EXPH5: variants seen among roughly 807,000 people sequenced by gnomAD.
The protein encoded by EXPH5 is exophilin-5.
In EXPH5, 42 loss-of-function variants were observed where a neutral mutation model predicts 41.1. The ratio of observed to expected loss-of-function variants is 1.02; its 90% CI spans 0.80 to 1.32. The LOEUF is 1.32. Ranked by LOEUF, EXPH5 falls within the 40% of genes most tolerant of loss-of-function variation. EXPH5 has a pLI of 0.00. For missense variants in EXPH5, 2,298 were observed against 2,314.5 expected, an observed-to-expected ratio of 0.99 and a Z score of 0.15; for synonymous variants, 798 against 833.5, an observed-to-expected ratio of 0.96 and a Z score of 0.73.
At position 108,511,252 on chromosome 11, in the gene EXPH5, A is replaced by T; in HGVS notation, c.4255T>A (p.Ser1419Thr). 2 of 1,606,956 alleles carry T rather than the reference A, an allele frequency of 1.2e-6. No homozygotes were observed. The highest frequency in any genetic ancestry group is 1.7e-6 in the Non-Finnish European group (2 of 1,178,472). The change falls in exon 6 of 6, where the codon TCA becomes ACA. Residue 1419 changes from serine to threonine, a missense_variant. Transcript: ENST00000265843. ...AGACTAGAGGGACCACTGTTACTTG[A>T]ATTAATGGATTGTTGACAATTTTCA... ...KSENCQQSIN[S>T]SNSGPSSLPA...
the EXPH5 span, among the ~76,000 whole-genome samples, chr11:108,602,193 A>G: frequency 6.6e-6 from 1 of 152,170 alleles, no homozygotes; most frequent in South Asian, 2.1e-4. Context: ...TCCATTTCTA[A>G]TGCAGCCATC....
chr11:108,566,715 TC>T (rs1265767400), intron 1 of EXPH5, among the ~76,000 whole-genome samples: 2 of 152,010 alleles, frequency 1.3e-5, no homozygotes, highest in East Asian at 3.9e-4. Flanking sequence ...AAATAAATAA[TC>T]CCAGCCCCTC....
At chr11:108,604,412 G>T in the EXPH5 span, among the ~76,000 whole-genome samples, 11 of 151,922 alleles carry the variant, frequency 7.2e-5, no homozygotes, top group East Asian at 5.8e-4. Flanking sequence ...AAGGCGGGGG[G>T]TGGGAGAGGG....
chr11:108,524,488 T>C (rs1044146092), intron 4 of EXPH5, among the ~76,000 whole-genome samples: 2 of 152,178 alleles, frequency 1.3e-5, no homozygotes, highest in African/African-American at 4.8e-5. Flanking sequence ...TGAGAGGCCA[T>C]TGCAAAATGC....
At chr11:108,526,162 A>G (rs939374434) in intron 4 of EXPH5, among the ~76,000 whole-genome samples, 1 of 151,932 alleles carries the variant, frequency 6.6e-6, no homozygotes, top group Non-Finnish European at 1.5e-5. Context: ...GCCTCAATCA[A>G]TCCTCCCACC....
intron 5 of EXPH5, among the ~76,000 whole-genome samples, chr11:108,515,370 G>C (rs995823715): frequency 2.7e-5 from 4 of 147,384 alleles, no homozygotes; most frequent in African/African-American, 7.8e-5. Flanking sequence ...ATGAACCTCT[G>C]TAAGTAGCAT....
At chr11:108,593,851 C>G, upstream of EXPH5, 1 of 1,054,372 alleles carries the variant, frequency 9.5e-7, no homozygotes. Flanking sequence ...CCTCCCTCGT[C>G]TCGTCCCGTC....
chr11:108,513,499 T>C lies in EXPH5; in HGVS notation c.2008A>G (p.Thr670Ala), dbSNP rs116146402. ...KPASHPMRSH[T>A]EVTVTSSNSV... is the part of the protein sequence containing the mutation. ...TTGCTGCTGGTCACAGTGACTTCTG[T>C]ATGGCTTCTCATTGGATGAGAGGCA... Residue 670 changes from threonine (T) to alanine (A), a missense_variant, in exon 6 of 6, where the codon ACA (threonine) becomes GCA (alanine). Physicochemically the swap from Thr to Ala is moderately conservative, Grantham distance 58. Transcript: ENST00000265843. 1 of 1,614,170 alleles carries C rather than the reference T, an allele frequency of 6.2e-7. No individual in the cohort carries two copies. The highest frequency in any genetic ancestry group is 2.2e-5 in the East Asian group (1 of 44,884).
At chr11:108,573,912 T>A (rs1187959615) in intron 1 of EXPH5, among the ~76,000 whole-genome samples, 1 of 152,014 alleles carries the variant, frequency 6.6e-6, no homozygotes, top group Non-Finnish European at 1.5e-5. Context: ...ATTTATTTAT[T>A]TATTTTTGAG....
intron 1 of EXPH5, among the ~76,000 whole-genome samples, chr11:108,548,114 A>T (rs1487020490): frequency 8.1e-5 from 3 of 37,116 alleles, no homozygotes; most frequent in South Asian, 2.1e-3. Flanking sequence ...ATCTTTAAAA[A>T]AAAAAAAAAA....
At chr11:108,565,687 A>G (rs1389734512) in intron 1 of EXPH5, among the ~76,000 whole-genome samples, 1 of 152,036 alleles carries the variant, frequency 6.6e-6, no homozygotes, top group Non-Finnish European at 1.5e-5. Flanking sequence ...AGGGGTTCTA[A>G]TTCCTTTATT....
At chr11:108,526,979 G>T (rs2135978852) in intron 4 of EXPH5, among the ~76,000 whole-genome samples, 1 of 152,196 alleles carries the variant, frequency 6.6e-6, no homozygotes, top group South Asian at 2.1e-4. Flanking sequence ...ATATATAGGA[G>T]AAAAATAGGG....
intron 2 of EXPH5, 86 bp downstream of exon 2, chr11:108,541,566 A>T: frequency 1.3e-6 from 1 of 792,566 alleles, no homozygotes; most frequent in Non-Finnish European, 2.0e-6. Flanking sequence ...TGGATTGGTT[A>T]CATTGGAGAT....
At chr11:108,556,572 A>G (rs549635257) in intron 1 of EXPH5, among the ~76,000 whole-genome samples, 63 of 152,270 alleles carry the variant, frequency 4.1e-4, no homozygotes, top group Non-Finnish European at 7.2e-4. Flanking sequence ...TCCTAGGTTC[A>G]AGCGATTCTC....
In EXPH5 at chr11:108,506,364, C is replaced by G. The variant is rs1418127948; in HGVS notation, c.*3173G>C. On this transcript the variant is annotated 3_prime_UTR_variant, in exon 6 of 6. Transcript: ENST00000265843. ...GTGTTTTCCTGATACTTCAGCCAGA[C>G]CAACATGCAAACGTTACAAATAGAG... 6.6e-6 allele frequency: 1 copy of G among 152,134 alleles called. No homozygotes were observed. The highest frequency in any genetic ancestry group is 1.5e-5 in the Non-Finnish European group (1 of 68,024). 9.4% of individuals were successfully genotyped at this position (152,134 alleles called of 1,614,324 possible). A position where few individuals can be genotyped will look rare whatever the true frequency, so the allele number is the denominator to read the frequency against.
rs187428143 is a variant in EXPH5 at position 108,557,068 on chromosome 11, C to T, written c.120-15256G>A. On this transcript the variant is annotated intron_variant, in intron 1 of 5. Coordinates refer to ENST00000265843, the MANE Select transcript of EXPH5 (RefSeq NM_015065.3). Reference sequence around the variant, plus strand: ...TGCTCTTCCCTATTTTGTCACATGGCTATGCCTTTGTGCCATTTAGGCCTT... The same window carrying T: ...TGCTCTTCCCTATTTTGTCACATGGTTATGCCTTTGTGCCATTTAGGCCTT... Among the ~76,000 whole-genome samples the T allele has an allele frequency of 2.6e-5, 4 of 152,376 alleles. No individual in the cohort carries two copies. The East Asian group carries it at 7.7e-4, about 29-fold the overall frequency.
chr11:108,574,934 C>T (rs891018781), intron 1 of EXPH5, among the ~76,000 whole-genome samples: 1 of 152,184 alleles, frequency 6.6e-6, no homozygotes, highest in Non-Finnish European at 1.5e-5. Flanking sequence ...TACAAAGGCA[C>T]CATTCTAACA....
At chr11:108,571,679 T>C (rs1363968455) in intron 1 of EXPH5, among the ~76,000 whole-genome samples, 1 of 152,124 alleles carries the variant, frequency 6.6e-6, no homozygotes, top group African/African-American at 2.4e-5. Flanking sequence ...CCCTCAAATA[T>C]GTACAATCCC....
intron 1 of EXPH5, among the ~76,000 whole-genome samples, chr11:108,550,815 A>T (rs1336332256): frequency 6.6e-6 from 1 of 152,038 alleles, no homozygotes; most frequent in African/African-American, 2.4e-5. Context: ...AAATAAAAAT[A>T]AAATTTGGGG....
Sources: allele counts gnomAD v4.1 joint callset (sites outside exome capture counted in the v4.1 genomes callset), GRCh38; gene constraint gnomAD v4.1.1; transcripts MANE v1.5; gene names NCBI Gene and HGNC (gene_info 2026-07-23, HGNC 2026-07-21).